Variants in ANKS1B observed in about 807,000 individuals in gnomAD.
The protein encoded by ANKS1B is ankyrin repeat and sterile alpha motif domain-containing protein 1B.
Under a neutral mutation model 148.3 loss-of-function variants are expected in ANKS1B, and 36 were observed. That is an observed-to-expected ratio of 0.24 (90% CI 0.19 to 0.32). ANKS1B has a LOEUF of 0.32. Ranked by LOEUF, ANKS1B falls within the 10% of genes least tolerant of loss-of-function variation. The pLI is 1.00. For synonymous variants in ANKS1B, 542 were observed against 560.8 expected, an observed-to-expected ratio of 0.97 and a Z score of 0.47; for missense variants, 1,157 against 1,542.6, an observed-to-expected ratio of 0.75 and a Z score of 4.19.
At chr12:99,457,043 T>C (rs933612053) in intron 10 of ANKS1B, among the ~76,000 whole-genome samples, 1 of 152,112 alleles carries the variant, frequency 6.6e-6, no homozygotes, top group African/African-American at 2.4e-5. Flanking sequence ...GGAAAACTTA[T>C]CAGATTAACA....
intron 17 of ANKS1B, among the ~76,000 whole-genome samples, chr12:98,993,316 C>T (rs942349425): frequency 5.9e-5 from 9 of 152,222 alleles, no homozygotes; most frequent in Non-Finnish European, 7.4e-5. Flanking sequence ...TACAGCTGCA[C>T]GCCACCATGC....
At chr12:99,142,626 G>T (rs2071338567) in intron 15 of ANKS1B, among the ~76,000 whole-genome samples, 1 of 152,086 alleles carries the variant, frequency 6.6e-6, no homozygotes, top group African/African-American at 2.4e-5. Context: ...GATAATACAT[G>T]TGTAAGAGTT....
intron 1 of ANKS1B, among the ~76,000 whole-genome samples, chr12:99,892,707 C>A (rs10161287): frequency 6.6e-6 from 1 of 152,088 alleles, no homozygotes. Flanking sequence ...TCTACACAGC[C>A]AACCAACCAC....
intron 12 of ANKS1B, among the ~76,000 whole-genome samples, chr12:99,277,591 C>A (rs1173143374): frequency 6.6e-6 from 1 of 152,194 alleles, no homozygotes; most frequent in African/African-American, 2.4e-5. Flanking sequence ...AAGAGTTCTT[C>A]CCTTTACTTC....
intron 12 of ANKS1B, among the ~76,000 whole-genome samples, chr12:99,364,554 A>G (rs1234661088): frequency 6.6e-6 from 1 of 152,210 alleles, no homozygotes; most frequent in Non-Finnish European, 1.5e-5. Context: ...AATGCTGTAC[A>G]TAATTACTCA....
intron 9 of ANKS1B, among the ~76,000 whole-genome samples, chr12:99,598,738 C>A (rs1467480261): frequency 6.6e-6 from 1 of 151,884 alleles, no homozygotes; most frequent in Non-Finnish European, 1.5e-5. Flanking sequence ...AGATTGGGGG[C>A]AAAAATATAT....
intron 4 of ANKS1B, among the ~76,000 whole-genome samples, chr12:99,786,869 G>A (rs59606106): frequency 0.011 from 1,676 of 151,866 alleles, 34 homozygotes; most frequent in African/African-American, 0.039. Flanking sequence ...CCATGAACAA[G>A]GATTAGTAAA....
chr12:98,948,775 C>CCCCA (rs1555530360), intron 17 of ANKS1B, among the ~76,000 whole-genome samples: 2 of 147,420 alleles, frequency 1.4e-5, no homozygotes, highest in African/African-American at 2.6e-5. Flanking sequence ...ACACCCCCCC[C>CCCCA]CACACACACA....
intron 15 of ANKS1B, among the ~76,000 whole-genome samples, chr12:99,135,956 T>G (rs1394929695): frequency 2.0e-5 from 3 of 151,970 alleles, no homozygotes; most frequent in African/African-American, 7.3e-5. Flanking sequence ...ACAGGAAGAC[T>G]AAGGAGATGG....
chr12:99,159,431 A>G (rs1464461128), intron 14 of ANKS1B, among the ~76,000 whole-genome samples: 1 of 152,146 alleles, frequency 6.6e-6, no homozygotes, highest in East Asian at 1.9e-4. Flanking sequence ...CTTCATGCCC[A>G]TGAATACCCA....
chr12:99,945,921 G>C (rs1169206192), intron 1 of ANKS1B, among the ~76,000 whole-genome samples: 1 of 152,130 alleles, frequency 6.6e-6, no homozygotes, highest in Non-Finnish European at 1.5e-5. Context: ...TTAATTGCTG[G>C]TGTTTGGCTC....
chr12:99,637,792 T>TATATATATATAATATATATATA (rs558490075), intron 9 of ANKS1B, among the ~76,000 whole-genome samples: 15 of 144,758 alleles, frequency 1.0e-4, no homozygotes, highest in South Asian at 6.6e-4. Flanking sequence ...CTCCCCTTTC[T>TATATATATATAATATATATATA]ATATATATAT....
chr12:99,614,088 A>G (rs1336909815), intron 9 of ANKS1B, among the ~76,000 whole-genome samples: 4 of 151,828 alleles, frequency 2.6e-5, no homozygotes, highest in African/African-American at 9.7e-5. Flanking sequence ...TTTCTTCACA[A>G]CGTCTCTCAG....
intron 8 of ANKS1B, among the ~76,000 whole-genome samples, chr12:99,702,991 G>T (rs995004289): frequency 2.0e-5 from 3 of 152,130 alleles, no homozygotes; most frequent in African/African-American, 7.2e-5. Context: ...TCTGCATACA[G>T]ATATCCAGTT....
intron 22 of ANKS1B, among the ~76,000 whole-genome samples, chr12:98,796,754 G>GC (rs1285200543): frequency 3.3e-5 from 5 of 152,020 alleles, no homozygotes; most frequent in South Asian, 4.1e-4. Context: ...CCAGAAAAAT[G>GC]CCCCCCAAAA....
chr12:99,002,107 C>T (rs2099933342), intron 17 of ANKS1B, among the ~76,000 whole-genome samples: 1 of 152,260 alleles, frequency 6.6e-6, no homozygotes, highest in African/African-American at 2.4e-5. Context: ...GCTGCAATGA[C>T]CATGGGGATA....
chr12:99,148,134 C>T (rs1338673089), intron 15 of ANKS1B, among the ~76,000 whole-genome samples: 2 of 152,006 alleles, frequency 1.3e-5, no homozygotes, highest in Non-Finnish European at 2.9e-5. Flanking sequence ...TAAAATTAGG[C>T]TGTAATTCAG....
intron 10 of ANKS1B, among the ~76,000 whole-genome samples, chr12:99,458,816 A>G (rs1001738286): frequency 2.6e-5 from 4 of 152,044 alleles, no homozygotes; most frequent in African/African-American, 9.7e-5. Context: ...TACACAGCTA[A>G]ATTCTCTCAG....
At chr12:98,828,924 T>C (rs1220624185) in intron 19 of ANKS1B, among the ~76,000 whole-genome samples, 1 of 152,230 alleles carries the variant, frequency 6.6e-6, no homozygotes, top group East Asian at 1.9e-4. Flanking sequence ...GCAAAGACTT[T>C]CTGGGTGCAA....
Sources: allele counts gnomAD v4.1 joint callset (sites outside exome capture counted in the v4.1 genomes callset), GRCh38; gene constraint gnomAD v4.1.1; transcripts MANE v1.5; gene names NCBI Gene and HGNC (gene_info 2026-07-23, HGNC 2026-07-21).